PIN4: variants seen among roughly 807,000 people sequenced by gnomAD.
PIN4 encodes the protein peptidylprolyl cis/trans isomerase, NIMA-interacting 4.
A neutral mutation model predicts 8.3 loss-of-function variants in PIN4; 3 were observed. That is an observed-to-expected ratio of 0.36 (90% CI 0.16 to 0.93). The LOEUF is 0.93. PIN4 is among the 40% of genes least tolerant of loss of function. The pLI is 0.44. For missense variants in PIN4, 75 were observed against 100.6 expected (o/e 0.75, Z 1.09); for synonymous variants, 18 against 32.5 (o/e 0.55, Z 1.52).
At chrX:72,204,897 T>G in intron 3 of PIN4, 1 of 638,788 alleles carries the variant, frequency 1.6e-6, no homozygotes, top group Non-Finnish European at 2.3e-6. Context: ...AAGTTGCTTT[T>G]TGAGATCTTT....
intron 2 of PIN4, among the ~76,000 whole-genome samples, chrX:72,193,002 C>A (rs1426870018): frequency 4.5e-5 from 5 of 111,174 alleles, no homozygotes; most frequent in Non-Finnish European, 9.4e-5. Context: ...CATCTCCTTC[C>A]TGGTAACCTC....
chrX:72,199,605 T>C (rs903990297), downstream of PIN4, among the ~76,000 whole-genome samples: 3 of 112,332 alleles, frequency 2.7e-5, no homozygotes, highest in African/African-American at 9.7e-5. Context: ...AAGAGCTGTA[T>C]AGGCATGAGA....
At chrX:72,192,464 C>G (rs752772471) in intron 2 of PIN4, among the ~76,000 whole-genome samples, 10 of 111,916 alleles carry the variant, frequency 8.9e-5, no homozygotes, top group Non-Finnish European at 1.3e-4. Flanking sequence ...TACTTCTTAC[C>G]TGATGTCTCT....
chrX:72,201,092 A>C (rs2042788189), downstream of PIN4, among the ~76,000 whole-genome samples: 1 of 110,825 alleles, frequency 9.0e-6, no homozygotes, highest in Non-Finnish European at 1.9e-5. Flanking sequence ...TCTGCTCTTC[A>C]GGAGGGAGGC....
At chrX:72,190,976 A>G (rs899810697) in intron 2 of PIN4, among the ~76,000 whole-genome samples, 8 of 105,052 alleles carry the variant, frequency 7.6e-5, no homozygotes, top group African/African-American at 2.8e-4. Context: ...AAAGCTCCCC[A>G]GAACTGCTGG....
At chrX:72,244,651 C>T (rs1054548776) in intron 3 of PIN4, among the ~76,000 whole-genome samples, 5 of 111,574 alleles carry the variant, frequency 4.5e-5, no homozygotes, top group Non-Finnish European at 7.5e-5. Context: ...CAATCCCAAC[C>T]CAGCGTTTTT....
exon 4 of PIN4, chrX:72,262,939 GA>G: frequency 9.8e-6 from 4 of 407,264 alleles, no homozygotes; most frequent in Non-Finnish European, 1.7e-5. Context: ...TCAGAAAAGA[GA>G]AAGTACAAGG....
At chrX:72,205,697 T>C (rs1259477860) in intron 3 of PIN4, 3 of 1,212,041 alleles carry the variant, frequency 2.5e-6, no homozygotes, top group East Asian at 3.0e-5. Context: ...ACAATCCTTC[T>C]AGCTTTACTT....
intron 3 of PIN4, among the ~76,000 whole-genome samples, chrX:72,223,426 G>T (rs932617766): frequency 9.5e-6 from 1 of 105,699 alleles, no homozygotes; most frequent in Non-Finnish European, 1.9e-5. Flanking sequence ...TTTTGCTCTT[G>T]TTGCCCAGGC....
chrX:72,214,797 GC>G (rs2042878548), intron 3 of PIN4, among the ~76,000 whole-genome samples: 1 of 111,427 alleles, frequency 9.0e-6, no homozygotes, highest in East Asian at 2.8e-4. Context: ...GATTAGCCCT[GC>G]CATCATGGTG....
chrX:72,203,873 C>T (rs1388556135), intron 3 of PIN4, among the ~76,000 whole-genome samples: 1 of 112,017 alleles, frequency 8.9e-6, no homozygotes, highest in Non-Finnish European at 1.9e-5. Flanking sequence ...CAGAGTGCAG[C>T]GTGCTATACT....
At position 72,245,069 on chromosome X, in the gene PIN4, CAAAAAAAAAAAAAAA is replaced by C. The variant is rs35952560; in HGVS notation, c.313-17621_313-17607del. ...CCCGAGTGACAGAGTGAGATCCTGTCAAAAAAAAAAAAAAAAAAAAAAAAAAAAAAAGGAGCCGAG... is the reference window on the plus strand; with the variant it reads ...CCCGAGTGACAGAGTGAGATCCTGTCAAAAAAAAAAAAAAAAGGAGCCGAG... On this transcript the variant is annotated intron_variant, in intron 3 of 3. Transcript: ENST00000423432. Among the ~76,000 whole-genome samples, 11 of 19,757 alleles carry C rather than the reference CAAAAAAAAAAAAAAA, an allele frequency of 5.6e-4. 1 individual carries two copies. The highest frequency in any genetic ancestry group is 4.2e-4 in the Non-Finnish European group (5 of 12,017). 17.2% of individuals were successfully genotyped at this position (19,757 alleles called of 115,157 possible). A position where few individuals can be genotyped will look rare whatever the true frequency, so the allele number is the denominator to read the frequency against.
chrX:72,210,559 A>G (rs1315298761), intron 3 of PIN4, among the ~76,000 whole-genome samples: 4 of 111,652 alleles, frequency 3.6e-5, no homozygotes, highest in African/African-American at 1.3e-4. Flanking sequence ...TGAAACCCCT[A>G]TGAAACCTGG....
intron 3 of PIN4, among the ~76,000 whole-genome samples, chrX:72,247,853 G>C (rs1255504716): frequency 1.8e-5 from 2 of 111,928 alleles, no homozygotes; most frequent in Admixed American, 1.9e-4. Context: ...AGACAACACA[G>C]CAGGAGGGGC....
At chrX:72,201,962 A>C (rs2042791689), downstream of PIN4, among the ~76,000 whole-genome samples, 1 of 112,765 alleles carries the variant, frequency 8.9e-6, no homozygotes, top group Non-Finnish European at 1.9e-5. Flanking sequence ...GAGTTTAAAT[A>C]TCCCCTAGAG....
intron 3 of PIN4, among the ~76,000 whole-genome samples, chrX:72,248,291 G>GAAAAAAAAA (rs55908553): frequency 1.8e-5 from 1 of 54,899 alleles, no homozygotes; most frequent in Non-Finnish European, 4.2e-5. Flanking sequence ...GCTCCATCCA[G>GAAAAAAAAA]AAAAAAAAAA....
intron 3 of PIN4, among the ~76,000 whole-genome samples, chrX:72,218,677 T>C (rs2042901729): frequency 9.1e-6 from 1 of 110,260 alleles, no homozygotes; most frequent in African/African-American, 3.3e-5. Flanking sequence ...GTATTTTTAC[T>C]AGAGACGGGG....
At chrX:72,203,167 A>G (rs1188661175), downstream of PIN4, among the ~76,000 whole-genome samples, 1 of 112,239 alleles carries the variant, frequency 8.9e-6, no homozygotes, top group Non-Finnish European at 1.9e-5. Flanking sequence ...AGAGCCCTGG[A>G]TTAACATCAA....
chrX:72,197,888 T>G lies in PIN4; in HGVS notation c.*362T>G. On this transcript the variant is annotated 3_prime_UTR_variant, in exon 4 of 4. Coordinates refer to ENST00000373669, the MANE Select transcript of PIN4 (RefSeq NM_006223.4). ...TATCAACTCACACTATTCACACAACTGAAAATATTGGGCATCAAATAGATT... is the reference window on the plus strand; with the variant it reads ...TATCAACTCACACTATTCACACAACGGAAAATATTGGGCATCAAATAGATT... 1.3e-6 allele frequency: 1 copy of G among 759,782 alleles called. No homozygotes were observed. The highest frequency in any genetic ancestry group is 1.6e-6 in the Non-Finnish European group (1 of 639,679). The allele number at this position is 759,782 out of a possible 1,213,427, so 62.6% of individuals were successfully genotyped here.
Sources: gnomAD v4.1 joint callset for allele counts (sites outside exome capture counted in the v4.1 genomes callset) on GRCh38, gnomAD v4.1.1 for gene constraint, MANE v1.5 for transcripts, NCBI Gene and HGNC (gene_info 2026-07-23, HGNC 2026-07-21) for gene names.